The following PRKN variants were observed in gnomAD, a reference collection of about 807,000 sequenced individuals.
The protein encoded by PRKN is parkin RBR E3 ubiquitin protein ligase, also known as E3 ubiquitin-protein ligase parkin.
Under a neutral mutation model 59.5 loss-of-function variants are expected in PRKN, and 56 were observed. That is an observed-to-expected ratio of 0.94 (90% CI 0.76 to 1.18). The LOEUF is 1.18. Ranked by LOEUF, PRKN falls within the 50% of genes most tolerant of loss-of-function variation. The probability of loss-of-function intolerance (pLI) is 0.00; values close to 1 mark genes in which losing one functional copy is unlikely to be tolerated. For synonymous variants in PRKN, 250 were observed against 222.1 expected (o/e 1.13, Z -1.12); for missense variants, 657 against 596.4 (o/e 1.10, Z -1.06).
chr6:161,352,771 A>ATATATTTTTT lies in PRKN; in HGVS notation c.1286-2561_1286-2560insAAAAAATATA, dbSNP rs34279714. 8.5e-4 allele frequency among the ~76,000 whole-genome samples: 99 copies of ATATATTTTTT among 116,890 alleles called. 2 individuals are homozygous for ATATATTTTTT. The highest frequency in any genetic ancestry group is 1.5e-3 in the South Asian group (6 of 3,984). 76.7% of individuals were successfully genotyped at this position (116,890 alleles called of 152,430 possible). On this transcript the variant is annotated intron_variant, in intron 11 of 11. Transcript: ENST00000366898. The surrounding 1 kb of genome is among the most constrained non-coding windows in gnomAD (Gnocchi z 5.8). ...TGTGTGTGTGTATATATATATATAT[A>ATATATTTTTT]TTTTATTTTATTTTATTTTATTTTT...
intron 2 of PRKN, among the ~76,000 whole-genome samples, chr6:162,306,152 G>T (rs765970486): frequency 6.6e-6 from 1 of 152,034 alleles, no homozygotes; most frequent in Non-Finnish European, 1.5e-5. Flanking sequence ...AATTAAAGAT[G>T]GGTCAGAAAA....
At chr6:162,645,530 C>T (rs1475593277) in intron 1 of PRKN, among the ~76,000 whole-genome samples, 1 of 151,992 alleles carries the variant, frequency 6.6e-6, no homozygotes, top group Non-Finnish European at 1.5e-5. Context: ...GTCAGGGATT[C>T]CTTAATTATT....
chr6:161,853,153 T>A (rs892813971), intron 6 of PRKN, among the ~76,000 whole-genome samples: 3 of 152,230 alleles, frequency 2.0e-5, no homozygotes. Flanking sequence ...AGGTTATAAA[T>A]TTGATATTAA....
intron 5 of PRKN, among the ~76,000 whole-genome samples, chr6:162,035,971 A>T (rs1479424330): frequency 6.6e-6 from 1 of 152,210 alleles, no homozygotes; most frequent in Non-Finnish European, 1.5e-5. Flanking sequence ...ATTTTCATTA[A>T]ATATCTCCAA....
intron 5 of PRKN, among the ~76,000 whole-genome samples, chr6:161,998,640 AT>A (rs1171707800): frequency 6.6e-6 from 1 of 152,106 alleles, no homozygotes; most frequent in Non-Finnish European, 1.5e-5. Context: ...TTAGACTGCC[AT>A]TCCTAAAAAA....
At chr6:161,522,349 C>T (rs76940330) in intron 9 of PRKN, among the ~76,000 whole-genome samples, 1,829 of 152,202 alleles carry the variant, frequency 0.012, 39 homozygotes, top group African/African-American at 0.042. Context: ...ACAAGCGAGG[C>T]GATGGATCAG....
chr6:162,338,638 A>G (rs1198372481), intron 2 of PRKN, among the ~76,000 whole-genome samples: 1 of 151,942 alleles, frequency 6.6e-6, no homozygotes, highest in African/African-American at 2.4e-5. Context: ...TTGGCCTCCC[A>G]AAGTGCCGAG....
At position 161,527,235 on chromosome 6, in the gene PRKN, A is replaced by C. The variant is rs1779047794; in HGVS notation, c.1083+21619T>G. Reference sequence around the variant, plus strand: ...CACTTCTGTGTCTGCAACTTCTCAGAATAACCAGCTCAAAATATGCCAAAG... The same window carrying C: ...CACTTCTGTGTCTGCAACTTCTCAGCATAACCAGCTCAAAATATGCCAAAG... On this transcript the variant is annotated intron_variant, in intron 9 of 11. Coordinates refer to ENST00000366898, the MANE Select transcript of PRKN (RefSeq NM_004562.3). This position sits in a 1 kb window ranked among gnomAD's most constrained non-coding sequence, Gnocchi z 4.6. Among the ~76,000 whole-genome samples the C allele has an allele frequency of 6.6e-6, 1 of 152,212 alleles. No individual in the cohort carries two copies. The highest frequency in any genetic ancestry group is 1.9e-4 in the East Asian group (1 of 5,190).
At chr6:161,970,242 A>C (rs969367727) in intron 6 of PRKN, among the ~76,000 whole-genome samples, 1 of 151,652 alleles carries the variant, frequency 6.6e-6, no homozygotes, top group African/African-American at 2.4e-5. Context: ...GGGTCTTGCC[A>C]TGTTGCCCAG....
chr6:162,590,901 A>C (rs1781279198), intron 1 of PRKN, among the ~76,000 whole-genome samples: 1 of 152,084 alleles, frequency 6.6e-6, no homozygotes. Flanking sequence ...CTGGCCCCAC[A>C]GACTATCCTC....
At chr6:162,396,862 A>C (rs1406097535) in intron 2 of PRKN, among the ~76,000 whole-genome samples, 3 of 152,122 alleles carry the variant, frequency 2.0e-5, no homozygotes, top group African/African-American at 7.2e-5. Flanking sequence ...ACTTCTGAGA[A>C]ACCACAAGTC....
At chr6:162,388,885 C>A (rs1225054381) in intron 2 of PRKN, among the ~76,000 whole-genome samples, 1 of 151,698 alleles carries the variant, frequency 6.6e-6, no homozygotes, top group Non-Finnish European at 1.5e-5. Context: ...GGCAAAGGAA[C>A]TGAAAGACTT....
chr6:162,140,138 G>C (rs1168876092), intron 4 of PRKN, among the ~76,000 whole-genome samples: 3 of 152,150 alleles, frequency 2.0e-5, no homozygotes, highest in African/African-American at 7.2e-5. Context: ...TTGATAATAT[G>C]ATTCTGAACA....
At position 161,428,474 on chromosome 6, in the gene PRKN, TTCG is replaced by T. The variant is rs1394905883; in HGVS notation, c.1084-41600_1084-41598del. On this transcript the variant is annotated intron_variant, in intron 9 of 11. Transcript: ENST00000366898. This position sits in a 1 kb window ranked among gnomAD's most constrained non-coding sequence, Gnocchi z 4.0. Reference sequence around the variant, plus strand: ...GAGACAGGCGGCTGCTCCGTCCATCTTCGAACCTGGCTGGCATCGCAGATGCCC... The same window carrying T: ...GAGACAGGCGGCTGCTCCGTCCATCTAACCTGGCTGGCATCGCAGATGCCC... Among the ~76,000 whole-genome samples the T allele has an allele frequency of 6.6e-6, 1 of 152,128 alleles. No homozygotes were observed. Among genetic ancestry groups the T allele is most frequent in the African/African-American group, 2.4e-5 (1 of 41,412 alleles).
At chr6:162,062,478 C>T (rs575286073) in intron 4 of PRKN, among the ~76,000 whole-genome samples, 2 of 152,232 alleles carry the variant, frequency 1.3e-5, no homozygotes, top group East Asian at 3.9e-4. Context: ...CCCCCAGTTC[C>T]TCAGAATGTG....
At chr6:162,255,406 T>G (rs1265631714) in intron 3 of PRKN, among the ~76,000 whole-genome samples, 2 of 152,214 alleles carry the variant, frequency 1.3e-5, no homozygotes, top group Admixed American at 1.3e-4. Context: ...AGTTAGGTAC[T>G]TTTTCCTTAT....
intron 7 of PRKN, among the ~76,000 whole-genome samples, chr6:161,677,794 C>T (rs1027255562): frequency 6.6e-6 from 1 of 152,200 alleles, no homozygotes; most frequent in Non-Finnish European, 1.5e-5. Context: ...CATTAAGGTG[C>T]TTGACTTGAA....
intron 6 of PRKN, among the ~76,000 whole-genome samples, chr6:161,891,270 T>C (rs1277448500): frequency 6.6e-6 from 1 of 152,142 alleles, no homozygotes; most frequent in Non-Finnish European, 1.5e-5. Context: ...CACAGCCAAG[T>C]TCATGGGCGC....
Position 161,379,091 on chromosome 6 carries a change from G to A in PRKN, c.1167+7703C>T, listed in dbSNP as rs1785856599. ...GTAACTGACTCTCAGGAGCAGGCAG[G>A]GCTGCAGTTATAGAATGGGGTATTT... On this transcript the variant is annotated intron_variant, in intron 10 of 11. Coordinates refer to ENST00000366898, the MANE Select transcript of PRKN (RefSeq NM_004562.3). This position sits in a 1 kb window ranked among gnomAD's most constrained non-coding sequence, Gnocchi z 4.9. Among the ~76,000 whole-genome samples the A allele has an allele frequency of 6.6e-6, 1 of 152,164 alleles. No homozygotes were observed. Among genetic ancestry groups the A allele is most frequent in the African/African-American group, 2.4e-5 (1 of 41,430 alleles).
Sources: allele counts gnomAD v4.1 joint callset (sites outside exome capture counted in the v4.1 genomes callset), GRCh38; gene constraint gnomAD v4.1.1; non-coding constraint Gnocchi (gnomAD v3.1); transcripts MANE v1.5; gene names NCBI Gene and HGNC (gene_info 2026-07-23, HGNC 2026-07-21).